Variants in ACSBG1 observed in about 807,000 individuals in gnomAD.
ACSBG1 encodes acyl-CoA synthetase bubblegum family member 1.
ACSBG1 carries 39 observed loss-of-function variants against 80.2 expected under a neutral mutation model. The observed-to-expected ratio is 0.49, with a 90% CI of 0.38 to 0.64. The LOEUF (loss-of-function observed/expected upper bound fraction) is 0.64. Among genes scored for constraint, ACSBG1 ranks in the 30% least tolerant of loss-of-function variants. The probability of loss-of-function intolerance (pLI) is 0.00; values close to 1 mark genes in which losing one functional copy is unlikely to be tolerated. For missense variants in ACSBG1, 828 were observed against 966.4 expected (o/e 0.86, Z 1.90); for synonymous variants, 392 against 379.5 (o/e 1.03, Z -0.38).
chr15:78,217,897 T>C (rs1298901599), intron 1 of ACSBG1, among the ~76,000 whole-genome samples: 1 of 152,124 alleles, frequency 6.6e-6, no homozygotes, highest in Non-Finnish European at 1.5e-5. Context: ...CATGCGCATA[T>C]ATTAAATCGT....
intron 5 of ACSBG1, among the ~76,000 whole-genome samples, chr15:78,186,703 T>C (rs966011847): frequency 6.6e-6 from 1 of 151,950 alleles, no homozygotes; most frequent in Non-Finnish European, 1.5e-5. Context: ...TAGCACTAAA[T>C]GCCCACAAGA....
rs539207930 is a variant in ACSBG1, at chr15:78,178,499, G to A, written c.1702+115C>T. On this transcript the variant is annotated intron_variant, in intron 11 of 13. Transcript: ENST00000258873. The surrounding 1 kb of genome is among the most constrained non-coding windows in gnomAD (Gnocchi z 4.3). ...GTGTTTTTAGTAGAGATGGGGTTTC[G>A]CTGTGCTGCCCAGGGTGGTCTTGAA... 7.8e-6 allele frequency: 9 copies of A among 1,154,218 alleles called. No homozygotes were observed. Among genetic ancestry groups the A allele is most frequent in the East Asian group, 2.6e-5 (1 of 38,488 alleles). 71.5% of individuals were successfully genotyped at this position (1,154,218 alleles called of 1,614,324 possible).
At chr15:78,194,306 G>A (rs1309033124) in intron 3 of ACSBG1, among the ~76,000 whole-genome samples, 200 bp downstream of exon 3, 1 of 152,244 alleles carries the variant, frequency 6.6e-6, no homozygotes, top group Non-Finnish European at 1.5e-5. Context: ...CAAGTGCTTG[G>A]CACATGGTAG....
intron 2 of ACSBG1, among the ~76,000 whole-genome samples, chr15:78,196,837 C>T (rs995633571): frequency 1.3e-5 from 2 of 151,630 alleles, no homozygotes; most frequent in Admixed American, 6.6e-5. Flanking sequence ...GAGACTGAGG[C>T]GGGGTATCAC....
In ACSBG1 at chr15:78,172,770, C is replaced by A. The variant is rs1230636045; in HGVS notation, c.2089+823G>T. Among the ~76,000 whole-genome samples, 1 of 152,180 alleles carries A rather than the reference C, an allele frequency of 6.6e-6. No individual in the cohort carries two copies. Among genetic ancestry groups the A allele is most frequent in the Non-Finnish European group, 1.5e-5 (1 of 68,018 alleles). On this transcript the variant is annotated intron_variant, in intron 13 of 13. Coordinates refer to ENST00000258873, the MANE Select transcript of ACSBG1 (RefSeq NM_015162.5). This position sits in a 1 kb window ranked among gnomAD's most constrained non-coding sequence, Gnocchi z 4.1. ...ATTTCTACCTCTCCTGTTCTATGAA[C>A]ATCCCATGAACATCTCTTGGCTACA...
chr15:78,228,375 G>C (rs2075420916), intron 1 of ACSBG1, among the ~76,000 whole-genome samples: 1 of 152,204 alleles, frequency 6.6e-6, no homozygotes, highest in South Asian at 2.1e-4. Flanking sequence ...AATCAGGTCA[G>C]AGTAGATTGA....
chr15:78,182,202 CA>C lies in ACSBG1; in HGVS notation c.895-58del. The C allele has an allele frequency of 1.9e-6, 3 of 1,574,104 alleles. No homozygotes were observed. In the South Asian group the frequency reaches 3.5e-5, roughly 18 times the overall value. ...TCCACAAGCCAGCCCTGGCGGTGCT[CA>C]CAACTGTGGCCACCCTGGGGGCCAG... is the stretch of plus-strand genomic sequence containing the variant. On this transcript the variant is annotated intron_variant, in intron 7 of 13. Transcript: ENST00000258873.
chr15:78,217,607 C>T (rs2075323016), intron 1 of ACSBG1, among the ~76,000 whole-genome samples: 1 of 151,526 alleles, frequency 6.6e-6, no homozygotes, highest in South Asian at 2.1e-4. Flanking sequence ...CACTCTGTCG[C>T]CCAGGCTGGA....
intron 5 of ACSBG1, among the ~76,000 whole-genome samples, chr15:78,183,096 GA>G (rs2074965632): frequency 6.6e-6 from 1 of 152,234 alleles, no homozygotes; most frequent in South Asian, 2.1e-4. Flanking sequence ...GTGACTGTAG[GA>G]GAAAGAGGGA....
intron 1 of ACSBG1, among the ~76,000 whole-genome samples, chr15:78,212,963 G>A (rs2075279941): frequency 6.6e-6 from 1 of 152,168 alleles, no homozygotes. Context: ...AAATCTCCAG[G>A]ACTCCTGCTT....
chr15:78,231,468 TACAG>T (rs968244221), intron 1 of ACSBG1, among the ~76,000 whole-genome samples: 15 of 152,106 alleles, frequency 9.9e-5, no homozygotes, highest in African/African-American at 3.6e-4. Context: ...GTATTTTTTG[TACAG>T]ACAGGGTTTC....
At position 78,216,701 on chromosome 15, in the gene ACSBG1, G is replaced by A. The variant is rs116595397; in HGVS notation, c.132-8599C>T. On this transcript the variant is annotated intron_variant, in intron 1 of 13. Coordinates refer to ENST00000258873, the MANE Select transcript of ACSBG1 (RefSeq NM_015162.5). ...ACCCCAAAGGAAGTGTGTTTGCTGA[G>A]AGGCCTCAACCCCCAAGGCTCATCT... 5.3e-3 allele frequency among the ~76,000 whole-genome samples: 808 copies of A among 152,242 alleles called. 14 individuals carry two copies. The highest frequency in any genetic ancestry group is 0.019 in the African/African-American group (782 of 41,548).
chr15:78,182,024 C>T lies in ACSBG1; in HGVS notation c.1016G>A (p.Trp339Ter). The T allele has an allele frequency of 1.2e-6, 2 of 1,614,176 alleles. No homozygotes were observed. The highest frequency in any genetic ancestry group is 1.1e-5 in the South Asian group (1 of 91,082). The change falls in exon 8 of 14, where the codon TGG becomes TAG. Residue 339 changes from tryptophan (W) to a stop codon, truncating the protein, a stop_gained. Transcript: ENST00000258873. LOFTEE classifies it high-confidence loss of function. Reference sequence around the variant, plus strand: ...CTGGGCCCCCCACTGGATGCCTGTCCACAGGTCGTAGATCTGGGCGGCAAT... The same window carrying T: ...CTGGGCCCCCCACTGGATGCCTGTCTACAGGTCGTAGATCTGGGCGGCAAT... ...SHIAAQIYDL[W>*]TGIQWGAQVC...
chr15:78,175,155 T>C (rs2074870533), intron 11 of ACSBG1, among the ~76,000 whole-genome samples: 1 of 152,244 alleles, frequency 6.6e-6, no homozygotes, highest in Non-Finnish European at 1.5e-5. Flanking sequence ...TCCTCTCCCC[T>C]TCTTTCCTTC....
At chr15:78,193,380 T>C (rs186440129) in intron 5 of ACSBG1, 126 bp downstream of exon 5, 143 of 1,393,896 alleles carry the variant, frequency 1.0e-4, no homozygotes, top group Non-Finnish European at 1.3e-4. Flanking sequence ...TGTGTATGCA[T>C]TAGAGGGTTG....
intron 1 of ACSBG1, among the ~76,000 whole-genome samples, chr15:78,215,743 A>G (rs113725732): frequency 0.047 from 4,777 of 101,332 alleles, 79 homozygotes; most frequent in Non-Finnish European, 0.064. Context: ...AGAAAGAAAG[A>G]AAGAAAGAAA....
At chr15:78,173,958 G>A (rs1751105701) in intron 12 of ACSBG1, 119 bp from the exon 13 acceptor site, 1 of 1,261,710 alleles carries the variant, frequency 7.9e-7, no homozygotes, top group African/African-American at 1.5e-5. Context: ...CTGTTTCAAA[G>A]AGACGGTTCT....
intron 11 of ACSBG1, chr15:78,174,862 A>G (rs1173299205): frequency 5.4e-6 from 2 of 367,718 alleles, no homozygotes; most frequent in Non-Finnish European, 1.0e-5. Flanking sequence ...CCTTTGCTTA[A>G]TAACTACCAT....
chr15:78,227,199 A>T (rs2075411222), intron 1 of ACSBG1, among the ~76,000 whole-genome samples: 1 of 132,030 alleles, frequency 7.6e-6, no homozygotes, highest in Non-Finnish European at 1.6e-5. Context: ...AGCCTGGGTG[A>T]CAGAGCGAGA....
Sources: allele counts gnomAD v4.1 joint callset (sites outside exome capture counted in the v4.1 genomes callset), GRCh38; gene constraint gnomAD v4.1.1; non-coding constraint Gnocchi (gnomAD v3.1); transcripts MANE v1.5; gene names NCBI Gene and HGNC (gene_info 2026-07-23, HGNC 2026-07-21).